Variants in BLK observed in about 807,000 individuals in gnomAD.
BLK encodes the protein BLK proto-oncogene, Src family tyrosine kinase, also known as tyrosine-protein kinase Blk.
In BLK, 64 loss-of-function variants were observed where a neutral mutation model predicts 61.8. The ratio of observed to expected loss-of-function variants is 1.03; its 90% CI spans 0.85 to 1.27. The LOEUF (loss-of-function observed/expected upper bound fraction) is 1.27. Among genes scored for constraint, BLK ranks in the 50% most tolerant of loss-of-function variants. The probability of loss-of-function intolerance (pLI) is 0.00; values close to 1 mark genes in which losing one functional copy is unlikely to be tolerated. For synonymous variants in BLK, 351 were observed against 272.0 expected (o/e 1.29, Z -2.86); for missense variants, 853 against 660.5 (o/e 1.29, Z -3.19).
intron 1 of BLK, among the ~76,000 whole-genome samples, chr8:11,537,248 G>A (rs937768070): frequency 6.6e-6 from 1 of 152,116 alleles, no homozygotes; most frequent in Non-Finnish European, 1.5e-5. Context: ...GATGAGTATA[G>A]CATTGGTGGT....
chr8:11,556,252 G>A (rs999866865), intron 8 of BLK: 2 of 312,094 alleles, frequency 6.4e-6, no homozygotes, highest in Non-Finnish European at 1.2e-5. Context: ...TTCAGAAGGA[G>A]GGAAGGAGAC....
intron 1 of BLK, among the ~76,000 whole-genome samples, chr8:11,517,025 TGA>T (rs1358096635): frequency 6.6e-6 from 1 of 152,206 alleles, no homozygotes; most frequent in African/African-American, 2.4e-5. Flanking sequence ...TTACTCTGAA[TGA>T]GAGGGTGACA....
chr8:11,505,907 A>G (rs1232707292), intron 1 of BLK, among the ~76,000 whole-genome samples: 1 of 152,210 alleles, frequency 6.6e-6, no homozygotes, highest in Non-Finnish European at 1.5e-5. Context: ...CATCTCCTTC[A>G]GAGAGCTTCT....
chr8:11,497,821 T>C (rs1349112278), intron 1 of BLK, among the ~76,000 whole-genome samples: 1 of 152,144 alleles, frequency 6.6e-6, no homozygotes, highest in Non-Finnish European at 1.5e-5. Flanking sequence ...TCTGGCACAT[T>C]CCACTTCCTG....
At chr8:11,506,018 T>C (rs1254829349) in intron 1 of BLK, among the ~76,000 whole-genome samples, 1 of 152,190 alleles carries the variant, frequency 6.6e-6, no homozygotes, top group African/African-American at 2.4e-5. Context: ...ATGACAAATC[T>C]CTTCCCACAG....
At chr8:11,548,251 C>T (rs1270392322) in intron 4 of BLK, 126 bp downstream of exon 4, 3 of 769,896 alleles carry the variant, frequency 3.9e-6, no homozygotes, top group Non-Finnish European at 6.5e-6. Flanking sequence ...GCCCCCAGCC[C>T]TGGCCCCAGC....
chr8:11,528,801 G>A (rs1799778337), intron 1 of BLK, among the ~76,000 whole-genome samples: 1 of 152,004 alleles, frequency 6.6e-6, no homozygotes, highest in South Asian at 2.1e-4. Flanking sequence ...TCCTTTGCAT[G>A]GAAGTGGATG....
chr8:11,501,287 G>T (rs1231998365), intron 1 of BLK, among the ~76,000 whole-genome samples: 1 of 151,762 alleles, frequency 6.6e-6, no homozygotes, highest in Non-Finnish European at 1.5e-5. Flanking sequence ...CACGAAAATA[G>T]GGTCAAAAGT....
At chr8:11,502,281 T>C (rs1309885991) in intron 1 of BLK, among the ~76,000 whole-genome samples, 2 of 151,942 alleles carry the variant, frequency 1.3e-5, no homozygotes, top group African/African-American at 4.8e-5. Flanking sequence ...TTTAATTTTA[T>C]ATAGTTTTTT....
At chr8:11,528,067 C>T (rs1799738110) in intron 1 of BLK, among the ~76,000 whole-genome samples, 1 of 152,064 alleles carries the variant, frequency 6.6e-6, no homozygotes. Flanking sequence ...GACAGAGTCT[C>T]ACTCTGTCAC....
chr8:11,554,835 A>C lies in BLK; in HGVS notation c.565A>C (p.Ile189Leu), dbSNP rs962231904. ...CTGCCTGGATGAAGGGGGCTACTACATCTCCCCCCGGATCACCTTCCCCTC... is the reference window on the plus strand; with the variant it reads ...CTGCCTGGATGAAGGGGGCTACTACCTCTCCCCCCGGATCACCTTCCCCTC... ...IRCLDEGGYYISPRITFPSLQ... is the reference protein window; with the variant it reads ...IRCLDEGGYYLSPRITFPSLQ... The change falls in exon 7 of 13, where the codon ATC becomes CTC. Residue 189 changes from isoleucine to leucine, a missense_variant. Physicochemically the swap from Ile to Leu is conservative, Grantham distance 5. Transcript: ENST00000259089. 1.2e-6 allele frequency: 2 copies of C among 1,613,736 alleles called. No individual in the cohort carries two copies. Among genetic ancestry groups the C allele is most frequent in the Non-Finnish European group, 1.7e-6 (2 of 1,179,920 alleles).
chr8:11,524,836 A>G (rs1288108261), intron 1 of BLK, among the ~76,000 whole-genome samples: 1 of 152,048 alleles, frequency 6.6e-6, no homozygotes, highest in Non-Finnish European at 1.5e-5. Context: ...AGGGAACGAC[A>G]GGAAAAAGAT....
At chr8:11,505,376 G>A (rs1287880015) in intron 1 of BLK, among the ~76,000 whole-genome samples, 2 of 152,066 alleles carry the variant, frequency 1.3e-5, no homozygotes, top group Admixed American at 6.6e-5. Context: ...GACAGCACCC[G>A]CTCCCTCCAC....
intron 1 of BLK, among the ~76,000 whole-genome samples, chr8:11,497,558 A>T (rs371513218): frequency 6.6e-6 from 1 of 152,290 alleles, no homozygotes; most frequent in South Asian, 2.1e-4. Flanking sequence ...CATGCCCTAC[A>T]TGTGCCTCCA....
rs140932158 is a variant in BLK, at chr8:11,556,773, G to C, written c.888G>C (p.Leu296=). Residue 296 remains leucine (L), a synonymous_variant, in exon 9 of 13, where the codon CTG becomes CTC. Coordinates refer to ENST00000259089, the MANE Select transcript of BLK (RefSeq NM_001715.3). Reference sequence around the variant, plus strand: ...TGAAGGCTCTGCAGCACGAGCGGCTGGTCCGACTCTACGCAGTGGTCACCA... The same window carrying C: ...TGAAGGCTCTGCAGCACGAGCGGCTCGTCCGACTCTACGCAGTGGTCACCA... ...NVMKALQHER[L]VRLYAVVTKE... is the part of the protein sequence containing the mutation. The C allele has an allele frequency of 5.0e-6, 8 of 1,614,224 alleles. No individual in the cohort carries two copies.
intron 6 of BLK, chr8:11,553,119 ACAC>A: frequency 5.1e-6 from 1 of 196,088 alleles, no homozygotes; most frequent in South Asian, 9.6e-5. Flanking sequence ...GCACACACAC[ACAC>A]AACTCCAAAG....
At chr8:11,502,207 A>G (rs1335431283) in intron 1 of BLK, among the ~76,000 whole-genome samples, 1 of 152,142 alleles carries the variant, frequency 6.6e-6, no homozygotes, top group Non-Finnish European at 1.5e-5. Context: ...AGTATTTATA[A>G]CCTTTGTTTT....
At chr8:11,554,611 G>A in intron 6 of BLK, 132 bp from the exon 7 acceptor site, 2 of 1,099,180 alleles carry the variant, frequency 1.8e-6, no homozygotes, top group Non-Finnish European at 2.7e-6. Flanking sequence ...AAGGAAACTT[G>A]TGGAGGGAGT....
intron 3 of BLK, among the ~76,000 whole-genome samples, chr8:11,546,655 A>G (rs1178928952): frequency 2.0e-5 from 3 of 152,226 alleles, no homozygotes; most frequent in Non-Finnish European, 4.4e-5. Flanking sequence ...AGCTCACTGC[A>G]ACCTCCACCT....
Sources: gnomAD v4.1 joint callset for allele counts (sites outside exome capture counted in the v4.1 genomes callset) on GRCh38, gnomAD v4.1.1 for gene constraint, MANE v1.5 for transcripts, NCBI Gene and HGNC (gene_info 2026-07-23, HGNC 2026-07-21) for gene names.